Variants in ZNF800 observed in about 807,000 individuals in gnomAD.
ZNF800 encodes the protein zinc finger protein 800.
A neutral mutation model predicts 59.5 loss-of-function variants in ZNF800; 13 were observed. The observed-to-expected ratio is 0.22, with a 90% confidence interval of 0.14 to 0.35. The LOEUF is 0.35. ZNF800 is among the 10% of genes least tolerant of loss of function. The pLI is 1.00. For missense variants in ZNF800, 621 were observed against 783.7 expected, an observed-to-expected ratio of 0.79 and a Z score of 2.48; for synonymous variants, 266 against 265.7, an observed-to-expected ratio of 1.00 and a Z score of -0.01.
chr7:127,350,878 T>C (rs973123282), intron 1 of ZNF800, among the ~76,000 whole-genome samples: 2 of 152,180 alleles, frequency 1.3e-5, no homozygotes, highest in African/African-American at 4.8e-5. Context: ...GAGTGCAATT[T>C]TTCTTCTTCC....
Position 127,377,292 on chromosome 7 carries a change from C to T in ZNF800, c.195G>A (p.Val65=), listed in dbSNP as rs1436693465. The T allele has an allele frequency of 3.1e-6, 5 of 1,608,926 alleles. No homozygotes were observed. The highest frequency in any genetic ancestry group is 3.4e-6 in the Non-Finnish European group (4 of 1,176,780). The change falls in exon 4 of 6, where the codon GTG becomes GTA. Residue 65 remains valine (V), a synonymous_variant. Transcript: ENST00000265827. This position sits in a 1 kb window ranked among gnomAD's most constrained non-coding sequence, Gnocchi z 4.7. ...KQLKHILLKD[V]DTIFECKLCR... ...ATAACTTACATTCAAAAATAGTGTC[C>T]ACATCTTTTAATAAAATATGCTTAA... is the stretch of plus-strand genomic sequence containing the variant.
rs550015286 is a variant in ZNF800, at chr7:127,389,217, G to T, written c.61+2280C>A. Among the ~76,000 whole-genome samples the T allele has an allele frequency of 6.6e-5, 10 of 152,268 alleles. 1 individual carries two copies. In the South Asian group the frequency reaches 1.9e-3, roughly 28 times the overall value. On this transcript the variant is annotated intron_variant, in intron 2 of 5. Transcript: ENST00000265827. ...GAGGAGGGGAGGAGAGAATATAGAG[G>T]AAAAGAGATTGTCCATGTAACAACT...
At chr7:127,391,387 A>T in intron 2 of ZNF800, 110 bp downstream of exon 2, 1 of 1,061,438 alleles carries the variant, frequency 9.4e-7, no homozygotes, top group South Asian at 1.3e-5. Flanking sequence ...GGAATATCAT[A>T]GCCTGCTTAA....
intron 3 of ZNF800, among the ~76,000 whole-genome samples, chr7:127,378,759 T>C (rs1800864503): frequency 6.6e-6 from 1 of 151,078 alleles, no homozygotes; most frequent in East Asian, 1.9e-4. Context: ...AGATAATTAT[T>C]GTTGATCCAA....
chr7:127,345,304 C>G (rs974289432), downstream of ZNF800, among the ~76,000 whole-genome samples: 26 of 151,374 alleles, frequency 1.7e-4, no homozygotes, highest in East Asian at 1.3e-3. Flanking sequence ...GACCCCCCCC[C>G]CAAAGGTAAA....
chr7:127,347,387 G>T (rs1327251324), exon 2 of ZNF800: 6 of 147,264 alleles, frequency 4.1e-5, no homozygotes, highest in Non-Finnish European at 7.6e-5. Context: ...GTGGCGGGGG[G>T]GTGGGGAGGT....
chr7:127,358,977 G>A (rs868522375), intron 1 of ZNF800, among the ~76,000 whole-genome samples: 4 of 152,026 alleles, frequency 2.6e-5, no homozygotes, highest in South Asian at 2.1e-4. Flanking sequence ...GTCCCCAATC[G>A]TATTTTTAAA....
At chr7:127,382,215 G>T (rs1800998105) in intron 3 of ZNF800, among the ~76,000 whole-genome samples, 1 of 152,118 alleles carries the variant, frequency 6.6e-6, no homozygotes, top group South Asian at 2.1e-4. Context: ...TTGAATACCA[G>T]ACAAAATTAT....
At chr7:127,390,040 C>T (rs1801258124) in intron 2 of ZNF800, among the ~76,000 whole-genome samples, 1 of 152,106 alleles carries the variant, frequency 6.6e-6, no homozygotes, top group Admixed American at 6.5e-5. Flanking sequence ...CCACTTATAT[C>T]CCCATTGCCT....
At position 127,371,270 on chromosome 7, in the gene ZNF800, T is replaced by C. The variant is rs1423078005; in HGVS notation, c.*544A>G. 2 of 152,628 alleles carry C rather than the reference T, an allele frequency of 1.3e-5. No individual in the cohort carries two copies. The highest frequency in any genetic ancestry group is 1.3e-4 in the Admixed American group (2 of 15,268). 9.5% of individuals were successfully genotyped at this position (152,628 alleles called of 1,614,324 possible). On this transcript the variant is annotated 3_prime_UTR_variant, in exon 6 of 6. Transcript: ENST00000265827. ...AGAACAAGCTAGAAATAAATGGATG[T>C]AAAAATAATTACAAATATTTAGTAA...
intron 2 of ZNF800, among the ~76,000 whole-genome samples, chr7:127,387,449 T>C (rs191744356): frequency 6.6e-6 from 1 of 152,250 alleles, no homozygotes; most frequent in African/African-American, 2.4e-5. Flanking sequence ...CTGTGCTATG[T>C]ATATAGATAC....
At chr7:127,391,699 C>T (rs2117230449) in intron 1 of ZNF800, 84 bp from the exon 2 acceptor site, 2 of 707,566 alleles carry the variant, frequency 2.8e-6, no homozygotes, top group South Asian at 1.6e-5. Flanking sequence ...TTCCCATCAT[C>T]AGCTCTCCGC....
chr7:127,348,470 A>G (rs1377069643), intron 1 of ZNF800, among the ~76,000 whole-genome samples: 5 of 152,118 alleles, frequency 3.3e-5, no homozygotes, highest in Non-Finnish European at 7.4e-5. Flanking sequence ...ACACCCAACA[A>G]TAAGGTATTG....
chr7:127,379,104 TAA>T (rs1442023141), intron 3 of ZNF800, among the ~76,000 whole-genome samples: 1 of 152,150 alleles, frequency 6.6e-6, no homozygotes, highest in Non-Finnish European at 1.5e-5. Flanking sequence ...AACATAAATT[TAA>T]AAAGATTCAG....
chr7:127,348,529 G>C (rs921473492), intron 1 of ZNF800, among the ~76,000 whole-genome samples: 3 of 151,888 alleles, frequency 2.0e-5, no homozygotes, highest in Admixed American at 2.0e-4. Flanking sequence ...TTGAAATAAT[G>C]CTGTGAAATA....
At chr7:127,364,900 G>C (rs1445427904) in intron 1 of ZNF800, 1 of 152,118 alleles carries the variant, frequency 6.6e-6, no homozygotes, top group African/African-American at 2.4e-5. Context: ...AGAACAGTGT[G>C]AAAAGTTTGA....
intron 1 of ZNF800, among the ~76,000 whole-genome samples, chr7:127,364,934 A>C (rs1373859196): frequency 6.6e-6 from 1 of 152,154 alleles, no homozygotes; most frequent in Non-Finnish European, 1.5e-5. Flanking sequence ...AAATGAAATG[A>C]TAACCAATCA....
intron 5 of ZNF800, among the ~76,000 whole-genome samples, chr7:127,372,428 C>T (rs1350468454): frequency 1.3e-5 from 2 of 149,460 alleles, no homozygotes; most frequent in African/African-American, 2.5e-5. Flanking sequence ...TGTAGTGAGC[C>T]GAGATTGCAC....
chr7:127,371,826 T>C lies in ZNF800; in HGVS notation c.*-12A>G, dbSNP rs974190610. ...TCACTTGAAGTTATCTGAGGAGAAA[T>C]GGGAATAAATGAACACTTTTGAGTT... On this transcript the variant is annotated splice_polypyrimidine_tract_variant and intron_variant, in intron 5 of 5. Coordinates refer to ENST00000265827, the MANE Select transcript of ZNF800 (RefSeq NM_176814.5). 1.3e-6 allele frequency: 1 copy of C among 766,810 alleles called. No homozygotes were observed. The highest frequency in any genetic ancestry group is 2.4e-6 in the Non-Finnish European group (1 of 411,988). The allele number at this position is 766,810 out of a possible 1,614,324, so 47.5% of individuals were successfully genotyped here.
Sources: allele counts gnomAD v4.1 joint callset (sites outside exome capture counted in the v4.1 genomes callset), GRCh38; gene constraint gnomAD v4.1.1; non-coding constraint Gnocchi (gnomAD v3.1); transcripts MANE v1.5; gene names NCBI Gene and HGNC (gene_info 2026-07-23, HGNC 2026-07-21).